Variants in ATP6V1A observed in about 807,000 individuals in gnomAD.
The protein encoded by ATP6V1A is V-type proton ATPase catalytic subunit A.
ATP6V1A carries 18 observed loss-of-function variants against 70.1 expected under a neutral mutation model. The ratio of observed to expected loss-of-function variants is 0.26; its 90% CI spans 0.18 to 0.38. ATP6V1A has a LOEUF of 0.38. ATP6V1A is among the 10% of genes least tolerant of loss of function. ATP6V1A has a pLI of 1.00. For synonymous variants in ATP6V1A, 232 were observed against 253.8 expected (o/e 0.91, Z 0.82); for missense variants, 424 against 772.4 (o/e 0.55, Z 5.35).
At chr3:113,778,588 A>G (rs1708942834) in intron 1 of ATP6V1A, among the ~76,000 whole-genome samples, 153 bp from the exon 2 acceptor site, 1 of 152,154 alleles carries the variant, frequency 6.6e-6, no homozygotes, top group Admixed American at 6.6e-5. Context: ...TTAAATTAAG[A>G]AAAGGAATTT....
intron 12 of ATP6V1A, among the ~76,000 whole-genome samples, chr3:113,800,042 C>G (rs1014108437): frequency 3.3e-5 from 5 of 151,906 alleles, no homozygotes; most frequent in South Asian, 2.1e-4. Flanking sequence ...ACCAGCCTGG[C>G]CAGCATGGTG....
At chr3:113,757,489 A>ATG (rs543070068) in intron 1 of ATP6V1A, among the ~76,000 whole-genome samples, 90 of 152,344 alleles carry the variant, frequency 5.9e-4, no homozygotes, top group African/African-American at 2.1e-3. Flanking sequence ...AAACCCTTCT[A>ATG]TGCCTCATGG....
At chr3:113,771,429 CTTT>C (rs772278685) in intron 1 of ATP6V1A, among the ~76,000 whole-genome samples, 21 of 112,574 alleles carry the variant, frequency 1.9e-4, no homozygotes, top group African/African-American at 5.7e-4. Context: ...ATATTTTTCT[CTTT>C]TTTTTTTTTT....
At chr3:113,768,525 G>A (rs150920979) in intron 1 of ATP6V1A, among the ~76,000 whole-genome samples, 1,600 of 151,250 alleles carry the variant, frequency 0.011, 21 homozygotes, top group African/African-American at 0.037. Context: ...TATGGCTGCC[G>A]CAGTTCCAGA....
intron 12 of ATP6V1A, among the ~76,000 whole-genome samples, chr3:113,799,147 G>A (rs1055911371): frequency 1.3e-5 from 2 of 151,986 alleles, no homozygotes; most frequent in African/African-American, 4.8e-5. Context: ...AAAACTATAG[G>A]CTAATATTGT....
intron 1 of ATP6V1A, among the ~76,000 whole-genome samples, chr3:113,774,649 A>G (rs915564924): frequency 6.6e-6 from 1 of 152,078 alleles, no homozygotes; most frequent in Non-Finnish European, 1.5e-5. Context: ...CCCTATCTCT[A>G]CTAAAAATAC....
intron 1 of ATP6V1A, among the ~76,000 whole-genome samples, chr3:113,770,747 T>C (rs1708829666): frequency 6.6e-6 from 1 of 152,092 alleles, no homozygotes; most frequent in Non-Finnish European, 1.5e-5. Context: ...GTAAAGCTAT[T>C]TTATGTAGCA....
chr3:113,760,309 C>G (rs536202740), intron 1 of ATP6V1A, among the ~76,000 whole-genome samples: 1 of 152,300 alleles, frequency 6.6e-6, no homozygotes, highest in Admixed American at 6.5e-5. Flanking sequence ...ATTTTTATTG[C>G]AGAGATTTTA....
chr3:113,802,078 T>C (rs1273881239), intron 12 of ATP6V1A, among the ~76,000 whole-genome samples: 1 of 152,210 alleles, frequency 6.6e-6, no homozygotes, highest in East Asian at 1.9e-4. Flanking sequence ...TTGTAGAATT[T>C]AGGGCTTTTG....
At chr3:113,760,626 G>T (rs1244432365) in intron 1 of ATP6V1A, among the ~76,000 whole-genome samples, 1 of 151,892 alleles carries the variant, frequency 6.6e-6, no homozygotes, top group Non-Finnish European at 1.5e-5. Flanking sequence ...TACTCAGGAG[G>T]CTGAGGCAGG....
chr3:113,795,785 A>T (rs1709147067), intron 10 of ATP6V1A, 91 bp from the exon 11 acceptor site: 4 of 1,005,716 alleles, frequency 4.0e-6, no homozygotes, highest in African/African-American at 1.7e-5. Context: ...AATCGACTTT[A>T]AAAAAAGTTA....
chr3:113,788,626 G>A (rs1709061556), intron 6 of ATP6V1A, 87 bp from the exon 7 acceptor site: 3 of 1,309,910 alleles, frequency 2.3e-6, no homozygotes, highest in Non-Finnish European at 3.2e-6. Context: ...TGGGATTACA[G>A]GCGTGAGCCA....
intron 1 of ATP6V1A, among the ~76,000 whole-genome samples, chr3:113,748,241 ACTCC>A (rs991465243): frequency 5.3e-5 from 8 of 152,016 alleles, no homozygotes; most frequent in African/African-American, 1.9e-4. Context: ...CAACCCAAGT[ACTCC>A]CATTCCGTCC....
chr3:113,771,455 T>G lies in ATP6V1A; in HGVS notation c.-13-7286T>G, dbSNP rs555569290. ...TTTTTTTTTTTTTTTTTTTTTTTTT[T>G]GAGACGGAGTCTCGCTCTGTCGCCC... On this transcript the variant is annotated intron_variant, in intron 1 of 14. Coordinates refer to ENST00000273398, the MANE Select transcript of ATP6V1A (RefSeq NM_001690.4). Among the ~76,000 whole-genome samples the G allele has an allele frequency of 3.9e-3, 335 of 86,104 alleles. 3 individuals are homozygous for G. Among genetic ancestry groups the G allele is most frequent in the African/African-American group, 0.012 (325 of 27,654 alleles). The allele number at this position is 86,104 out of a possible 152,430, so 56.5% of individuals were successfully genotyped here. A position where few individuals can be genotyped will look rare whatever the true frequency, so the allele number is the denominator to read the frequency against.
At position 113,778,781 on chromosome 3, in the gene ATP6V1A, C is replaced by T. The variant is rs757699250; in HGVS notation, c.28C>T (p.Leu10Phe). 1 of 1,594,280 alleles carries T rather than the reference C, an allele frequency of 6.3e-7. No individual in the cohort carries two copies. The highest frequency in any genetic ancestry group is 1.7e-5 in the Admixed American group (1 of 57,890). MDFSKLPKI[L>F]DEDKESTFGY... ...GGATTTTTCCAAGCTACCCAAAATA[C>T]TCGATGAAGATAAAGAAAGCACATT... The change falls in exon 2 of 15, where the codon CTC becomes TTC. Residue 10 changes from leucine (L) to phenylalanine (F), a missense_variant. Coordinates refer to ENST00000273398, the MANE Select transcript of ATP6V1A (RefSeq NM_001690.4).
intron 1 of ATP6V1A, among the ~76,000 whole-genome samples, chr3:113,768,958 A>G (rs1174394257): frequency 7.9e-5 from 12 of 152,174 alleles, no homozygotes; most frequent in Admixed American, 7.9e-4. Context: ...CTTAATTCTT[A>G]TGGTTAGAAC....
chr3:113,797,031 G>A (rs1410616398), intron 11 of ATP6V1A, among the ~76,000 whole-genome samples: 2 of 152,140 alleles, frequency 1.3e-5, no homozygotes. Flanking sequence ...CACCTCCCGG[G>A]TTCAAGTGAT....
At chr3:113,781,539 G>A (rs540559713) in intron 3 of ATP6V1A, among the ~76,000 whole-genome samples, 1 of 151,996 alleles carries the variant, frequency 6.6e-6, no homozygotes, top group East Asian at 1.9e-4. Context: ...AAAAAATTGA[G>A]GATTTAAGCC....
At chr3:113,789,653 A>T (rs1409836340) in intron 7 of ATP6V1A, 79 bp from the exon 8 acceptor site, 41 of 638,450 alleles carry the variant, frequency 6.4e-5, no homozygotes, top group East Asian at 4.0e-4. Flanking sequence ...GCAAAAGTTT[A>T]AAAAAAAAAA....
Sources: allele counts gnomAD v4.1 joint callset (sites outside exome capture counted in the v4.1 genomes callset), GRCh38; gene constraint gnomAD v4.1.1; transcripts MANE v1.5; gene names NCBI Gene and HGNC (gene_info 2026-07-23, HGNC 2026-07-21).